The following EPM2AIP1 variants were observed in gnomAD, a reference collection of about 807,000 sequenced individuals.
The protein encoded by EPM2AIP1 is EPM2A interacting protein 1.
In EPM2AIP1, 23 loss-of-function variants were observed where a neutral mutation model predicts 44.8. The ratio of observed to expected loss-of-function variants is 0.51; its 90% CI spans 0.37 to 0.73. The LOEUF (loss-of-function observed/expected upper bound fraction) is 0.73. EPM2AIP1 is among the 30% of genes least tolerant of loss of function. EPM2AIP1 has a pLI of 0.00. For missense variants in EPM2AIP1, 652 were observed against 743.9 expected (o/e 0.88, Z 1.44); for synonymous variants, 311 against 284.3 (o/e 1.09, Z -0.94).
chr3:36,992,131 G>A lies in EPM2AIP1; in HGVS notation c.947C>T (p.Pro316Leu), dbSNP rs757007062. 2 of 1,614,006 alleles carry A rather than the reference G, an allele frequency of 1.2e-6. No individual in the cohort carries two copies. Among genetic ancestry groups the A allele is most frequent in the South Asian group, 1.1e-5 (1 of 91,088 alleles). ...TTCCGTTAGTAAAGTCTGAAATTCA[G>A]GTCGCCTAACGCCTCTGGTCTTAAT... ...VLIKTRGVRR[P>L]EFQTLLTESE... The change falls in exon 1 of 1, where the codon CCT becomes CTT. Residue 316 changes from proline to leucine, a missense_variant. Pro to Leu is a moderately conservative substitution (Grantham distance 98). Coordinates refer to ENST00000322716, the MANE Select transcript of EPM2AIP1 (RefSeq NM_014805.4). This position sits in a 1 kb window ranked among gnomAD's most constrained non-coding sequence, Gnocchi z 5.3.
chr3:36,992,972 C>T lies in EPM2AIP1; in HGVS notation c.106G>A (p.Gly36Arg). The T allele has an allele frequency of 6.2e-7, 1 of 1,613,098 alleles. No individual in the cohort carries two copies. The highest frequency in any genetic ancestry group is 1.1e-5 in the South Asian group (1 of 91,088). ...YLVVEPPEGDGALCLVCRRLI... is the reference protein window; with the variant it reads ...YLVVEPPEGDRALCLVCRRLI... ...CGGCGACAGACCAGGCACAGGGCCC[C>T]ATCGCCCTCCGGAGGCTCCACCACC... The change falls in exon 1 of 1, where the codon GGG becomes AGG. Residue 36 changes from glycine to arginine, a missense_variant. Physicochemically the swap from Gly to Arg is moderately radical, Grantham distance 125. Coordinates refer to ENST00000322716, the MANE Select transcript of EPM2AIP1 (RefSeq NM_014805.4). The surrounding 1 kb of genome is among the most constrained non-coding windows in gnomAD (Gnocchi z 5.3).
rs1487204030 is a variant in EPM2AIP1, at chr3:36,989,504, A to C, written c.*1750T>G. 1 of 151,940 alleles carries C rather than the reference A, an allele frequency of 6.6e-6. No individual in the cohort carries two copies. The highest frequency in any genetic ancestry group is 1.5e-5 in the Non-Finnish European group (1 of 68,002). 9.4% of individuals were successfully genotyped at this position (151,940 alleles called of 1,614,324 possible). On this transcript the variant is annotated 3_prime_UTR_variant, in exon 1 of 1. Transcript: ENST00000322716. ...TATGGTGAGCTAACAGAACTTATCA[A>C]TGCCTTTATTGCACTTTACTAGCCA...
rs146917927 is a variant in EPM2AIP1 at position 36,985,620 on chromosome 3, T to G, written c.*5634A>C. 1.3e-5 allele frequency: 2 copies of G among 152,370 alleles called. No homozygotes were observed. Among genetic ancestry groups the G allele is most frequent in the African/African-American group, 4.8e-5 (2 of 41,600 alleles). The allele number at this position is 152,370 out of a possible 1,614,324, so 9.4% of individuals were successfully genotyped here. On this transcript the variant is annotated 3_prime_UTR_variant, in exon 1 of 1. Coordinates refer to ENST00000322716, the MANE Select transcript of EPM2AIP1 (RefSeq NM_014805.4). ...GCCAATGAAAGTCCTTTAAGAGTCC[T>G]TAAGTGATTTGCCATACTCTTTTTT...
rs756272718 is a variant in EPM2AIP1 at position 36,992,791 on chromosome 3, C to T, written c.287G>A (p.Arg96Lys). Residue 96 changes from arginine (R) to lysine (K), a missense_variant, in exon 1 of 1, where the codon AGA (arginine) becomes AAA (lysine). Coordinates refer to ENST00000322716, the MANE Select transcript of EPM2AIP1 (RefSeq NM_014805.4). The surrounding 1 kb of genome is among the most constrained non-coding windows in gnomAD (Gnocchi z 5.3). ...LPVASFTPEE[R>K]AARAGLGLCR... is the part of the protein sequence containing the mutation. ...GAGCCCGAGGCCTGCACGAGCAGCT[C>T]TCTCTTCAGGAGTGAAGGAGGCCAC... 7 of 1,613,452 alleles carry T rather than the reference C, an allele frequency of 4.3e-6. No individual in the cohort carries two copies. The highest frequency in any genetic ancestry group is 5.1e-6 in the Non-Finnish European group (6 of 1,179,902).
rs962009121 is a variant in EPM2AIP1 at position 36,985,329 on chromosome 3, C to T, written c.*5925G>A. The T allele has an allele frequency of 6.6e-6, 1 of 152,176 alleles. No homozygotes were observed. The allele number at this position is 152,176 out of a possible 1,614,324, so 9.4% of individuals were successfully genotyped here. A position where few individuals can be genotyped will look rare whatever the true frequency, so the allele number is the denominator to read the frequency against. ...TGGGGGCCTGGGGAACATAAGGACA[C>T]CTACTGAAGTGCTAGAAATATTCTA... is the stretch of plus-strand genomic sequence containing the variant. On this transcript the variant is annotated 3_prime_UTR_variant, in exon 1 of 1. Transcript: ENST00000322716.
chr3:36,992,423 T>C lies in EPM2AIP1; in HGVS notation c.655A>G (p.Ser219Gly). The C allele has an allele frequency of 3.7e-6, 6 of 1,613,944 alleles. No homozygotes were observed. Among genetic ancestry groups the C allele is most frequent in the Non-Finnish European group, 4.2e-6 (5 of 1,179,886 alleles). ...ATTGCCGACATGAGCGCACCAACAC[T>C]GAAATGATGAGTCAGGTTGATTATG... Reference protein sequence around the residue: ...LTIINLTHHFSVGALMSAILE... With the variant: ...LTIINLTHHFGVGALMSAILE... The change falls in exon 1 of 1, where the codon AGT becomes GGT. Residue 219 changes from serine (S) to glycine (G), a missense_variant. Ser to Gly is a moderately conservative substitution (Grantham distance 56). Coordinates refer to ENST00000322716, the MANE Select transcript of EPM2AIP1 (RefSeq NM_014805.4). The surrounding 1 kb of genome is among the most constrained non-coding windows in gnomAD (Gnocchi z 5.3).
chr3:36,992,723 C>T lies in EPM2AIP1; in HGVS notation c.355G>A (p.Asp119Asn), dbSNP rs771957136. The T allele has an allele frequency of 1.9e-6, 3 of 1,613,816 alleles. No individual in the cohort carries two copies. The highest frequency in any genetic ancestry group is 1.7e-6 in the Non-Finnish European group (2 of 1,179,898). Reference protein sequence around the residue: ...ALKGRGWGEGDFVYQCMEVLL... With the variant: ...ALKGRGWGEGNFVYQCMEVLL... ...ACCTCCATGCACTGGTATACAAAGT[C>T]CCCCTCACCCCAGCCGCGACCCTTC... is the stretch of plus-strand genomic sequence containing the variant. The change falls in exon 1 of 1, where the codon GAC (aspartate) becomes AAC (asparagine). Residue 119 changes from aspartate to asparagine, a missense_variant. By Grantham distance (23) the Asp-to-Asn change is conservative. Coordinates refer to ENST00000322716, the MANE Select transcript of EPM2AIP1 (RefSeq NM_014805.4). This position sits in a 1 kb window ranked among gnomAD's most constrained non-coding sequence, Gnocchi z 5.3.
chr3:36,990,293 A>G lies in EPM2AIP1; in HGVS notation c.*961T>C. 8.0e-6 allele frequency: 3 copies of G among 377,148 alleles called. No individual in the cohort carries two copies. Among genetic ancestry groups the G allele is most frequent in the Non-Finnish European group, 1.1e-5 (3 of 274,016 alleles). The allele number at this position is 377,148 out of a possible 1,614,324, so 23.4% of individuals were successfully genotyped here. On this transcript the variant is annotated 3_prime_UTR_variant, in exon 1 of 1. Coordinates refer to ENST00000322716, the MANE Select transcript of EPM2AIP1 (RefSeq NM_014805.4). ...TCTGATACTGTATCATTTTAAAACA[A>G]AGTGTTTACTTTAGGCAGGATTTTT...
Position 36,986,546 on chromosome 3 carries a change from C to T in EPM2AIP1, c.*4708G>A, listed in dbSNP as rs919461450. On this transcript the variant is annotated 3_prime_UTR_variant, in exon 1 of 1. Transcript: ENST00000322716. ...GTATAACACCAACATTTTGGGAGCC[C>T]GAGGCGGGCGGACTGCTTGAGTCCA... 2.0e-5 allele frequency: 3 copies of T among 151,944 alleles called. No individual in the cohort carries two copies. The highest frequency in any genetic ancestry group is 6.6e-5 in the Admixed American group (1 of 15,244). 9.4% of individuals were successfully genotyped at this position (151,944 alleles called of 1,614,324 possible). A position where few individuals can be genotyped will look rare whatever the true frequency, so the allele number is the denominator to read the frequency against.
In EPM2AIP1 at chr3:36,985,607, C is replaced by T. The variant is rs1186169545; in HGVS notation, c.*5647G>A. 1 of 152,190 alleles carries T rather than the reference C, an allele frequency of 6.6e-6. No individual in the cohort carries two copies. The highest frequency in any genetic ancestry group is 2.4e-5 in the African/African-American group (1 of 41,454). 9.4% of individuals were successfully genotyped at this position (152,190 alleles called of 1,614,324 possible). A position where few individuals can be genotyped will look rare whatever the true frequency, so the allele number is the denominator to read the frequency against. On this transcript the variant is annotated 3_prime_UTR_variant, in exon 1 of 1. Transcript: ENST00000322716. ...GTGATTTGCTTTGGCCAATGAAAGT[C>T]CTTTAAGAGTCCTTAAGTGATTTGC...
Position 36,990,448 on chromosome 3 carries a change from A to C in EPM2AIP1, c.*806T>G. On this transcript the variant is annotated 3_prime_UTR_variant, in exon 1 of 1. Transcript: ENST00000322716. ...GCCAAACTTGTGTCTACAGTAAAAA[A>C]AAAAAAAAAAAGAATTACTAACTGG... 1.0e-6 allele frequency: 1 copy of C among 978,824 alleles called. No homozygotes were observed. The highest frequency in any genetic ancestry group is 1.2e-6 in the Non-Finnish European group (1 of 823,664). The allele number at this position is 978,824 out of a possible 1,614,324, so 60.6% of individuals were successfully genotyped here.
Position 36,992,587 on chromosome 3 carries a change from T to C in EPM2AIP1, c.491A>G (p.Gln164Arg). 6.2e-7 allele frequency: 1 copy of C among 1,614,056 alleles called. No homozygotes were observed. The highest frequency in any genetic ancestry group is 1.3e-5 in the African/African-American group (1 of 75,070). Residue 164 changes from glutamine to arginine, a missense_variant, in exon 1 of 1, where the codon CAG (glutamine) becomes CGG (arginine). Gln to Arg is a conservative substitution (Grantham distance 43). Transcript: ENST00000322716. This position sits in a 1 kb window ranked among gnomAD's most constrained non-coding sequence, Gnocchi z 5.3. Reference sequence around the variant, plus strand: ...AAAGTCCCTGGCTCGGTTAAAAAGCTGGTTGCGTAGATTCCTGTCAATGCT... The same window carrying C: ...AAAGTCCCTGGCTCGGTTAAAAAGCCGGTTGCGTAGATTCCTGTCAATGCT... Reference protein sequence around the residue: ...ILSIDRNLRNQLFNRARDFKA... With the variant: ...ILSIDRNLRNRLFNRARDFKA...
At position 36,989,032 on chromosome 3, in the gene EPM2AIP1, T is replaced by A. The variant is rs183942446; in HGVS notation, c.*2222A>T. 2.0e-5 allele frequency: 3 copies of A among 149,142 alleles called. No individual in the cohort carries two copies. Among genetic ancestry groups the A allele is most frequent in the Non-Finnish European group, 3.0e-5 (2 of 67,358 alleles). 9.2% of individuals were successfully genotyped at this position (149,142 alleles called of 1,614,324 possible). A position where few individuals can be genotyped will look rare whatever the true frequency, so the allele number is the denominator to read the frequency against. On this transcript the variant is annotated 3_prime_UTR_variant, in exon 1 of 1. Transcript: ENST00000322716. Reference sequence around the variant, plus strand: ...ACAAACAAGACTAGCTTATAGCAAATTCTCTATAGCTAAGGGTCAATTTAA... The same window carrying A: ...ACAAACAAGACTAGCTTATAGCAAAATCTCTATAGCTAAGGGTCAATTTAA...
Position 36,991,503 on chromosome 3 carries a change from C to T in EPM2AIP1, c.1575G>A (p.Leu525=), listed in dbSNP as rs2080805172. 1.2e-6 allele frequency: 2 copies of T among 1,613,836 alleles called. No individual in the cohort carries two copies. Among genetic ancestry groups the T allele is most frequent in the South Asian group, 2.2e-5 (2 of 91,058 alleles). ...NLWNEYRIKD[L]GQFYAGLSAE... is the part of the protein sequence containing the mutation. ...CAGACAATCCAGCATAAAACTGCCC[C>T]AAGTCTTTGATTCTGTATTCATTCC... is the stretch of plus-strand genomic sequence containing the variant. Residue 525 remains leucine, a synonymous_variant, in exon 1 of 1, where the codon TTG becomes TTA. Coordinates refer to ENST00000322716, the MANE Select transcript of EPM2AIP1 (RefSeq NM_014805.4).
chr3:36,987,792 C>T lies in EPM2AIP1; in HGVS notation c.*3462G>A, dbSNP rs138276996. The stretch of plus-strand genomic sequence containing the variant: ...GGATAAAAGTTACCCAATGGACAGT[C>T]TAAGGCAGAATGACTGTGAAGGTCA... On this transcript the variant is annotated 3_prime_UTR_variant, in exon 1 of 1. Coordinates refer to ENST00000322716, the MANE Select transcript of EPM2AIP1 (RefSeq NM_014805.4). 2.8e-3 allele frequency: 420 copies of T among 152,312 alleles called. 3 individuals are homozygous for T. The highest frequency in any genetic ancestry group is 9.7e-3 in the African/African-American group (403 of 41,554). 9.4% of individuals were successfully genotyped at this position (152,312 alleles called of 1,614,324 possible).
At position 36,988,858 on chromosome 3, in the gene EPM2AIP1, C is replaced by T. The variant is rs1276255842; in HGVS notation, c.*2396G>A. 5 of 148,174 alleles carry T rather than the reference C, an allele frequency of 3.4e-5. No individual in the cohort carries two copies. In the South Asian group the frequency reaches 6.4e-4, roughly 19 times the overall value. The allele number at this position is 148,174 out of a possible 1,614,324, so 9.2% of individuals were successfully genotyped here. On this transcript the variant is annotated 3_prime_UTR_variant, in exon 1 of 1. Transcript: ENST00000322716. ...ACCTAATAATTTTTTTTTTAATGTA[C>T]GTATTTTAACTATATTCACTGCTAC... is the stretch of plus-strand genomic sequence containing the variant.
In EPM2AIP1 at chr3:36,985,970, A is replaced by C. The variant is rs1221457050; in HGVS notation, c.*5284T>G. ...ACCTATGATCTAAACCAAAGTCCCT[A>C]GGCAAGTTGCAATAGAAAAGTTGTG... On this transcript the variant is annotated 3_prime_UTR_variant, in exon 1 of 1. Transcript: ENST00000322716. 1 of 152,246 alleles carries C rather than the reference A, an allele frequency of 6.6e-6. No individual in the cohort carries two copies. Among genetic ancestry groups the C allele is most frequent in the East Asian group, 1.9e-4 (1 of 5,202 alleles). 9.4% of individuals were successfully genotyped at this position (152,246 alleles called of 1,614,324 possible). A position where few individuals can be genotyped will look rare whatever the true frequency, so the allele number is the denominator to read the frequency against.
chr3:36,985,117 G>A lies in EPM2AIP1; in HGVS notation c.*6137C>T, dbSNP rs2080763472. On this transcript the variant is annotated 3_prime_UTR_variant, in exon 1 of 1. Coordinates refer to ENST00000322716, the MANE Select transcript of EPM2AIP1 (RefSeq NM_014805.4). ...TAAATTTCTATCAACGGTAGAATGG[G>A]TAAGTTGTGATGTAGTCACACAATG... 1 of 152,180 alleles carries A rather than the reference G, an allele frequency of 6.6e-6. No homozygotes were observed. The highest frequency in any genetic ancestry group is 2.4e-5 in the African/African-American group (1 of 41,440). The allele number at this position is 152,180 out of a possible 1,614,324, so 9.4% of individuals were successfully genotyped here. A position where few individuals can be genotyped will look rare whatever the true frequency, so the allele number is the denominator to read the frequency against.
Position 36,989,698 on chromosome 3 carries a change from G to A in EPM2AIP1, c.*1556C>T, listed in dbSNP as rs1467440265. Reference sequence around the variant, plus strand: ...GTGCCAGGCTGTCCCATGCACTGCAGGGGTGAGTGTCTTTAGGCTTAAATG... The same window carrying A: ...GTGCCAGGCTGTCCCATGCACTGCAAGGGTGAGTGTCTTTAGGCTTAAATG... On this transcript the variant is annotated 3_prime_UTR_variant, in exon 1 of 1. Coordinates refer to ENST00000322716, the MANE Select transcript of EPM2AIP1 (RefSeq NM_014805.4). 2 of 152,042 alleles carry A rather than the reference G, an allele frequency of 1.3e-5. No homozygotes were observed. The highest frequency in any genetic ancestry group is 6.6e-5 in the Admixed American group (1 of 15,254). 9.4% of individuals were successfully genotyped at this position (152,042 alleles called of 1,614,324 possible).
Sources: gnomAD v4.1 joint callset for allele counts on GRCh38, gnomAD v4.1.1 for gene constraint, Gnocchi (gnomAD v3.1) non-coding constraint, MANE v1.5 for transcripts, NCBI Gene and HGNC (gene_info 2026-07-23, HGNC 2026-07-21) for gene names.